Variants in HMCN2 observed in about 807,000 individuals in gnomAD.
HMCN2 encodes hemicentin 2, also known as hemicentin-2.
In HMCN2, 325 loss-of-function variants were observed where a neutral mutation model predicts 377.5. The observed-to-expected ratio is 0.86, with a 90% CI of 0.79 to 0.94. HMCN2 has a LOEUF of 0.94. HMCN2 is among the 40% of genes least tolerant of loss of function. The pLI is 0.00. For synonymous variants in HMCN2, 2,007 were observed against 2,046.8 expected, an observed-to-expected ratio of 0.98 and a Z score of 0.53; for missense variants, 4,543 against 4,725.3, an observed-to-expected ratio of 0.96 and a Z score of 1.13.
At chr9:130,355,918 TG>T in intron 33 of HMCN2, 64 bp downstream of exon 33, 4 of 1,052,052 alleles carry the variant, frequency 3.8e-6, no homozygotes, top group Non-Finnish European at 5.2e-6. Context: ...TTGCGGATTG[TG>T]GGGGGAAGTG....
In HMCN2 at chr9:130,356,251, G is replaced by A; in HGVS notation, c.5419G>A (p.Val1807Met). ...GTAGAEVEVS[V>M]HEFPSVSIIG... ...TGCCGGGGCCGAGGTGGAGGTGTCT[G>A]TGCATGGTGAGTGGGCGCCTGGGGT... The change falls in exon 34 of 98, where the codon GTG (valine) becomes ATG (methionine). Residue 1807 changes from valine to methionine, a missense_variant. Around this residue, in one of 5 missense-constraint regions of HMCN2, gnomAD observed 1,032 missense variants for 1,285.1 expected, o/e 0.80. Transcript: ENST00000683500. 1 of 1,296,146 alleles carries A rather than the reference G, an allele frequency of 7.7e-7. No individual in the cohort carries two copies. The allele number at this position is 1,296,146 out of a possible 1,614,324, so 80.3% of individuals were successfully genotyped here.
At position 130,422,905 on chromosome 9, in the gene HMCN2, G is replaced by A. The variant is rs966577124; in HGVS notation, c.13381+179G>A. ...CTGAGTGCAATCCAAAGTGGACTCAGATGCAGGCAACTTCCTGTCCCCCTC... is the reference window on the plus strand; with the variant it reads ...CTGAGTGCAATCCAAAGTGGACTCAAATGCAGGCAACTTCCTGTCCCCCTC... On this transcript the variant is annotated intron_variant, in intron 87 of 97. Transcript: ENST00000683500. The surrounding 1 kb of genome is among the most constrained non-coding windows in gnomAD (Gnocchi z 4.2). 1.3e-5 allele frequency among the ~76,000 whole-genome samples: 2 copies of A among 152,220 alleles called. No individual in the cohort carries two copies. Among genetic ancestry groups the A allele is most frequent in the Non-Finnish European group, 2.9e-5 (2 of 68,036 alleles).
chr9:130,376,101 T>G (rs1841362241), intron 51 of HMCN2, 112 bp downstream of exon 51: 2 of 237,092 alleles, frequency 8.4e-6, no homozygotes, highest in African/African-American at 4.7e-5. Context: ...ATGTGGCATA[T>G]GTCCTCTGAC....
At position 130,424,758 on chromosome 9, in the gene HMCN2, A is replaced by G; in HGVS notation, c.13382-18A>G. The G allele has an allele frequency of 6.6e-7, 1 of 1,525,570 alleles. No homozygotes were observed. The highest frequency in any genetic ancestry group is 8.8e-7 in the Non-Finnish European group (1 of 1,135,024). The allele number at this position is 1,525,570 out of a possible 1,614,324, so 94.5% of individuals were successfully genotyped here. Reference sequence around the variant, plus strand: ...GAGGATCAGCTCTAACCCGGCCTCTATGCCCTGCCCCACCCAGGGCCTCTG... The same window carrying G: ...GAGGATCAGCTCTAACCCGGCCTCTGTGCCCTGCCCCACCCAGGGCCTCTG... On this transcript the variant is annotated intron_variant, in intron 87 of 97. Transcript: ENST00000683500.
At chr9:130,375,457 C>A in intron 49 of HMCN2, 106 bp from the exon 50 acceptor site, 2 of 576,946 alleles carry the variant, frequency 3.5e-6, no homozygotes, top group Non-Finnish European at 4.4e-6. Context: ...TGTAATGTAA[C>A]TGACAGAAGT....
At chr9:130,432,742 C>T in intron 97 of HMCN2, 187 bp downstream of exon 97, 1 of 626,002 alleles carries the variant, frequency 1.6e-6, no homozygotes. Flanking sequence ...ACACACCAAA[C>T]CCCAGACACA....
In HMCN2 at chr9:130,347,255, T is replaced by A. The variant is rs1416071409; in HGVS notation, c.3919T>A (p.Ser1307Thr). Residue 1307 changes from serine to threonine, a missense_variant, in exon 26 of 98, where the codon TCT (serine) becomes ACT (threonine). Ser to Thr is a moderately conservative substitution (Grantham distance 58). Transcript: ENST00000683500. This position sits in a 1 kb window ranked among gnomAD's most constrained non-coding sequence, Gnocchi z 5.1. ...QPGVAVLEEG[S>T]LFLASVSPAD... ...AGGTGTGGCAGTGCTGGAGGAGGGG[T>A]CTCTGTTCCTGGCCTCCGTCTCACC... 5.3e-5 allele frequency: 8 copies of A among 150,174 alleles called. No individual in the cohort carries two copies. Among genetic ancestry groups the A allele is most frequent in the African/African-American group, 2.0e-4 (8 of 40,492 alleles). The allele number at this position is 150,174 out of a possible 1,614,324, so 9.3% of individuals were successfully genotyped here. A position where few individuals can be genotyped will look rare whatever the true frequency, so the allele number is the denominator to read the frequency against.
At chr9:130,317,467 A>ATCTCTCTCTCTCTCTCTCTCTCTC (rs1177875902) in intron 15 of HMCN2, among the ~76,000 whole-genome samples, 1 of 123,336 alleles carries the variant, frequency 8.1e-6, no homozygotes, top group African/African-American at 3.1e-5. Flanking sequence ...AGACCCCACC[A>ATCTCTCTCTCTCTCTCTCTCTCTC]TCTCTCTCTC....
In HMCN2 at chr9:130,405,939, C is replaced by G. The variant is rs756343352; in HGVS notation, c.12340-16C>G. 2.3e-6 allele frequency: 3 copies of G among 1,279,264 alleles called. 1 individual carries two copies. The South Asian group carries it at 3.7e-5, about 16-fold the overall frequency. 79.2% of individuals were successfully genotyped at this position (1,279,264 alleles called of 1,614,324 possible). On this transcript the variant is annotated splice_polypyrimidine_tract_variant and intron_variant, in intron 81 of 97. Transcript: ENST00000683500. ...GGTGGGGCAGTTCTCCGGCCAACCC[C>G]TTTCTTTGCTCACAGGGCCAGGACG... is the stretch of plus-strand genomic sequence containing the variant.
Position 130,351,949 on chromosome 9 carries a change from T to G in HMCN2, c.4585+372T>G, listed in dbSNP as rs1276620012. On this transcript the variant is annotated intron_variant, in intron 30 of 97. Coordinates refer to ENST00000683500, the MANE Select transcript of HMCN2 (RefSeq NM_001291815.2). The surrounding 1 kb of genome is among the most constrained non-coding windows in gnomAD (Gnocchi z 5.4). ...GCCTCAGCCTCCCGAGTAGCTGGGA[T>G]TACAGGTGCCCACCACCACACCCAG... Among the ~76,000 whole-genome samples the G allele has an allele frequency of 6.6e-6, 1 of 152,040 alleles. No homozygotes were observed. The highest frequency in any genetic ancestry group is 1.5e-5 in the Non-Finnish European group (1 of 67,982).
chr9:130,385,925 T>C (rs1842000712), intron 60 of HMCN2, among the ~76,000 whole-genome samples, 163 bp downstream of exon 60: 1 of 152,156 alleles, frequency 6.6e-6, no homozygotes. Flanking sequence ...GTGGAAGACA[T>C]GGGCAGAGCT....
Position 130,433,917 on chromosome 9 carries a change from T to A in HMCN2, c.*224T>A. ...TCCAGGGCGGCCCTTGGGTGGCCAG[T>A]CCCGCAGGCAGGGCCCGGGGAAGCC... On this transcript the variant is annotated 3_prime_UTR_variant, in exon 98 of 98. Coordinates refer to ENST00000683500, the MANE Select transcript of HMCN2 (RefSeq NM_001291815.2). 1 of 441,898 alleles carries A rather than the reference T, an allele frequency of 2.3e-6. No homozygotes were observed. The highest frequency in any genetic ancestry group is 3.9e-6 in the Non-Finnish European group (1 of 254,024). 27.4% of individuals were successfully genotyped at this position (441,898 alleles called of 1,614,324 possible). A position where few individuals can be genotyped will look rare whatever the true frequency, so the allele number is the denominator to read the frequency against.
intron 45 of HMCN2, among the ~76,000 whole-genome samples, chr9:130,370,113 C>T (rs1298850945): frequency 6.6e-6 from 1 of 152,168 alleles, no homozygotes; most frequent in Non-Finnish European, 1.5e-5. Flanking sequence ...TCTTCCTCTA[C>T]TCTGTTCTGG....
rs776937445 is a variant in HMCN2, at chr9:130,393,970, C to A, written c.10463C>A (p.Ala3488Glu). The A allele has an allele frequency of 1.3e-5, 16 of 1,279,550 alleles. No homozygotes were observed. The South Asian group carries it at 1.9e-4, about 15-fold the overall frequency. 79.3% of individuals were successfully genotyped at this position (1,279,550 alleles called of 1,614,324 possible). ...GTYSCVAVSE[A>E]GEARRHFQLT... is the part of the protein sequence containing the mutation. ...TACTCCTGTGTGGCCGTGAGCGAGG[C>A]GGGGGAAGCCAGGAGGCATTTCCAG... Residue 3488 changes from alanine to glutamate, a missense_variant, in exon 68 of 98, where the codon GCG (alanine) becomes GAG (glutamate). Coordinates refer to ENST00000683500, the MANE Select transcript of HMCN2 (RefSeq NM_001291815.2). This position sits in a 1 kb window ranked among gnomAD's most constrained non-coding sequence, Gnocchi z 5.2.
chr9:130,266,648 G>T (rs1224894158), intron 1 of HMCN2, among the ~76,000 whole-genome samples: 1 of 152,230 alleles, frequency 6.6e-6, no homozygotes, highest in Non-Finnish European at 1.5e-5. Context: ...CTGCAGTGGG[G>T]AGCGGACTCA....
At position 130,355,773 on chromosome 9, in the gene HMCN2, G is replaced by A; in HGVS notation, c.5174G>A (p.Gly1725Asp). ...QVPPQLLVAE[G>D]LGQVTTIVGQ... ...CCCCCACAGCTCCTGGTGGCTGAAG[G>A]CTTGGGACAGGTGACCACCATCGTG... Residue 1725 changes from glycine to aspartate, a missense_variant, in exon 33 of 98, where the codon GGC (glycine) becomes GAC (aspartate). Coordinates refer to ENST00000683500, the MANE Select transcript of HMCN2 (RefSeq NM_001291815.2). The A allele has an allele frequency of 7.7e-7, 1 of 1,303,656 alleles. No homozygotes were observed. Among genetic ancestry groups the A allele is most frequent in the Non-Finnish European group, 1.0e-6 (1 of 988,942 alleles). 80.8% of individuals were successfully genotyped at this position (1,303,656 alleles called of 1,614,324 possible). A position where few individuals can be genotyped will look rare whatever the true frequency, so the allele number is the denominator to read the frequency against.
intron 58 of HMCN2, 52 bp from the exon 59 acceptor site, chr9:130,384,633 G>T: frequency 7.7e-7 from 1 of 1,301,218 alleles, no homozygotes; most frequent in Admixed American, 2.3e-5. Flanking sequence ...AGGGATTTAG[G>T]ACTGGGGGCT....
rs923447586 is a variant in HMCN2 at position 130,379,256 on chromosome 9, C to T, written c.8220C>T (p.Pro2740=). The T allele has an allele frequency of 1.9e-5, 19 of 985,546 alleles. No homozygotes were observed. Among genetic ancestry groups the T allele is most frequent in the Non-Finnish European group, 2.3e-5 (19 of 829,802 alleles). The allele number at this position is 985,546 out of a possible 1,614,324, so 61.1% of individuals were successfully genotyped here. A position where few individuals can be genotyped will look rare whatever the true frequency, so the allele number is the denominator to read the frequency against. The change falls in exon 54 of 98, where the codon CCC becomes CCT. Residue 2740 remains proline (P), a synonymous_variant. Transcript: ENST00000683500. ...TTTGTCTCCCCCACCCAGTGCCCCCCATGTTCCAGAAGGTGGGTGATTTCA... is the reference window on the plus strand; with the variant it reads ...TTTGTCTCCCCCACCCAGTGCCCCCTATGTTCCAGAAGGTGGGTGATTTCA... ...QDFNVLIQVP[P]MFQKVGDFSA...
chr9:130,292,357 T>A (rs2131303013), intron 4 of HMCN2, among the ~76,000 whole-genome samples: 1 of 152,348 alleles, frequency 6.6e-6, no homozygotes, highest in Admixed American at 6.5e-5. Context: ...GACTCTTGCC[T>A]GAAATGATAT....
Sources: allele counts gnomAD v4.1 joint callset (sites outside exome capture counted in the v4.1 genomes callset), GRCh38; gene constraint gnomAD v4.1.1; regional missense constraint gnomAD v4.1.1; non-coding constraint Gnocchi (gnomAD v3.1); transcripts MANE v1.5; gene names NCBI Gene and HGNC (gene_info 2026-07-23, HGNC 2026-07-21).